Variants in DNAH11 observed in about 807,000 individuals in gnomAD.
DNAH11 encodes dynein axonemal heavy chain 11.
Under a neutral mutation model 526.0 loss-of-function variants are expected in DNAH11, and 442 were observed. That is an observed-to-expected ratio of 0.84 (90% confidence interval 0.78 to 0.91). The LOEUF (loss-of-function observed/expected upper bound fraction) is 0.91, where lower values mean the gene tolerates loss of function less well. DNAH11 is among the 40% of genes least tolerant of loss of function. The pLI is 0.00. For missense variants in DNAH11, 6,989 were observed against 5,448.7 expected, an observed-to-expected ratio of 1.28 and a Z score of -8.90; for synonymous variants, 2,461 against 1,935.9, an observed-to-expected ratio of 1.27 and a Z score of -7.12.
At chr7:21,744,729 C>T in intron 50 of DNAH11, 130 bp downstream of exon 50, 4 of 1,427,986 alleles carry the variant, frequency 2.8e-6, no homozygotes, top group South Asian at 1.3e-5. Context: ...ATCCAGAATA[C>T]ACTTGGTCTA....
At chr7:21,794,524 C>T (rs1788621355) in intron 61 of DNAH11, among the ~76,000 whole-genome samples, 1 of 152,078 alleles carries the variant, frequency 6.6e-6, no homozygotes, top group African/African-American at 2.4e-5. Flanking sequence ...AAGTACTGAC[C>T]ATCCTGAATT....
intron 56 of DNAH11, among the ~76,000 whole-genome samples, chr7:21,776,620 C>G (rs1787681484): frequency 6.6e-6 from 1 of 152,206 alleles, no homozygotes; most frequent in African/African-American, 2.4e-5. Flanking sequence ...AGTGACCTTT[C>G]TTCATAGAGA....
intron 62 of DNAH11, 29 bp downstream of exon 62, chr7:21,801,304 C>A: frequency 6.2e-7 from 1 of 1,612,230 alleles, no homozygotes; most frequent in Non-Finnish European, 8.5e-7. Context: ...AACATTCTAA[C>A]TAAAATGTTC....
chr7:21,784,463 A>G lies in DNAH11; in HGVS notation c.9520A>G (p.Arg3174Gly). Residue 3174 changes from arginine (R) to glycine (G), a missense_variant, in exon 58 of 82, where the codon AGA becomes GGA. Arg to Gly is a moderately radical substitution (Grantham distance 125). Coordinates refer to ENST00000409508, the MANE Select transcript of DNAH11 (RefSeq NM_001277115.2). ...AIQTEVFQKQRECEADLLKAE... is the reference protein window; with the variant it reads ...AIQTEVFQKQGECEADLLKAE... ...TCAGACTGAAGTGTTCCAGAAACAG[A>G]GAGAATGTGAAGCTGACTTACTCAA... 1 of 1,613,516 alleles carries G rather than the reference A, an allele frequency of 6.2e-7. No homozygotes were observed. The highest frequency in any genetic ancestry group is 8.5e-7 in the Non-Finnish European group (1 of 1,179,688).
intron 66 of DNAH11, among the ~76,000 whole-genome samples, chr7:21,847,643 G>A (rs940185855): frequency 1.3e-5 from 2 of 152,170 alleles, no homozygotes; most frequent in Admixed American, 6.5e-5. Flanking sequence ...ATATTCTTCT[G>A]TAAGTGGATG....
At chr7:21,682,810 T>A (rs1447380068) in intron 31 of DNAH11, among the ~76,000 whole-genome samples, 1 of 152,182 alleles carries the variant, frequency 6.6e-6, no homozygotes, top group Admixed American at 6.5e-5. Flanking sequence ...TTTCATAAAG[T>A]GCAAGAAAAT....
chr7:21,857,000 G>T (rs561130633), intron 68 of DNAH11, among the ~76,000 whole-genome samples: 2 of 152,200 alleles, frequency 1.3e-5, no homozygotes, highest in East Asian at 3.9e-4. Context: ...GACAATAGAA[G>T]GCAAGAGATT....
chr7:21,723,400 T>C (rs539805050), intron 44 of DNAH11, among the ~76,000 whole-genome samples: 1 of 152,328 alleles, frequency 6.6e-6, no homozygotes, highest in Admixed American at 6.5e-5. Context: ...ACCTATGTTC[T>C]TCAGCCATTG....
intron 42 of DNAH11, among the ~76,000 whole-genome samples, chr7:21,715,540 C>T (rs907911140): frequency 1.3e-5 from 2 of 152,060 alleles, no homozygotes; most frequent in Non-Finnish European, 2.9e-5. Context: ...TTTTAGTATG[C>T]CATTTTCAAT....
At chr7:21,606,037 C>A (rs1417308307) in intron 18 of DNAH11, among the ~76,000 whole-genome samples, 5 of 152,126 alleles carry the variant, frequency 3.3e-5, no homozygotes. Context: ...AAATTAGAAT[C>A]ATTTACATGG....
rs767520808 is a variant in DNAH11, at chr7:21,681,646, G to A, written c.5429G>A (p.Arg1810Lys). 6.2e-7 allele frequency: 1 copy of A among 1,613,942 alleles called. No homozygotes were observed. The highest frequency in any genetic ancestry group is 2.2e-5 in the East Asian group (1 of 44,872). ...MTICTIDVHA[R>K]DVVAKLISQK... ...ATTTGTACCATAGATGTCCATGCCA[G>A]AGACGTGGTGGCAAAACTTATTTCT... Residue 1810 changes from arginine (R) to lysine (K), a missense_variant, in exon 31 of 82, where the codon AGA (arginine) becomes AAA (lysine). By Grantham distance (26) the Arg-to-Lys change is conservative. Coordinates refer to ENST00000409508, the MANE Select transcript of DNAH11 (RefSeq NM_001277115.2).
intron 68 of DNAH11, among the ~76,000 whole-genome samples, chr7:21,856,956 AG>A (rs1329882838): frequency 6.6e-6 from 1 of 152,224 alleles, no homozygotes; most frequent in Non-Finnish European, 1.5e-5. Flanking sequence ...ACATCTATTC[AG>A]CGCTGCACTG....
chr7:21,559,816 A>T, intron 4 of DNAH11, 24 bp downstream of exon 4: 2 of 1,553,354 alleles, frequency 1.3e-6, no homozygotes, highest in Non-Finnish European at 1.7e-6. Flanking sequence ...CCTAGAAATT[A>T]TAAATTAAAT....
rs998146886 is a variant in DNAH11 at position 21,616,262 on chromosome 7, G to C, written c.4065G>C (p.Gln1355His). 1.2e-6 allele frequency: 2 copies of C among 1,613,372 alleles called. No homozygotes were observed. Among genetic ancestry groups the C allele is most frequent in the African/African-American group, 2.7e-5 (2 of 74,886 alleles). ...KTQWRQIHVE[Q>H]MDVELRRFAK... ...AGTGGAGACAGATTCATGTGGAACA[G>C]ATGGATGTAGAACTCAGAAGGTTTG... The change falls in exon 22 of 82, where the codon CAG (glutamine) becomes CAC (histidine). Residue 1355 changes from glutamine to histidine, a missense_variant. Gln to His is a conservative substitution (Grantham distance 24, BLOSUM62 0). Transcript: ENST00000409508.
chr7:21,663,037 T>C (rs560455208), intron 30 of DNAH11, among the ~76,000 whole-genome samples: 11 of 152,106 alleles, frequency 7.2e-5, no homozygotes, highest in Non-Finnish European at 1.3e-4. Flanking sequence ...TATCCATGTG[T>C]ACACATTGTT....
chr7:21,778,070 C>T (rs1418674070), intron 56 of DNAH11, among the ~76,000 whole-genome samples: 1 of 152,140 alleles, frequency 6.6e-6, no homozygotes, highest in African/African-American at 2.4e-5. Flanking sequence ...TCAGATATTT[C>T]TGAGAACTGA....
rs145374977 is a variant in DNAH11 at position 21,900,800 on chromosome 7, C to T, written c.13304-207C>T. The T allele has an allele frequency of 1.0e-3, 630 of 626,066 alleles. 2 individuals carry two copies. The highest frequency in any genetic ancestry group is 8.6e-3 in the African/African-American group (462 of 53,922). The allele number at this position is 626,066 out of a possible 1,614,324, so 38.8% of individuals were successfully genotyped here. A position where few individuals can be genotyped will look rare whatever the true frequency, so the allele number is the denominator to read the frequency against. ...CTTCCACAGGAAAGTTTAACCACTA[C>T]GCATGGAAGCAAAGCGGTGCCTCCG... is the stretch of plus-strand genomic sequence containing the variant. On this transcript the variant is annotated intron_variant, in intron 81 of 81. Transcript: ENST00000409508.
intron 8 of DNAH11, among the ~76,000 whole-genome samples, chr7:21,574,304 C>T (rs1312295066): frequency 6.6e-6 from 1 of 152,298 alleles, no homozygotes; most frequent in South Asian, 2.1e-4. Flanking sequence ...CTTGGCTCCA[C>T]TTAGTCTCTG....
At chr7:21,741,830 G>C (rs1310509783) in intron 48 of DNAH11, 97 bp from the exon 49 acceptor site, 9 of 1,365,244 alleles carry the variant, frequency 6.6e-6, no homozygotes, top group Non-Finnish European at 8.9e-6. Flanking sequence ...ACATGGTAAT[G>C]GGCCTGGATA....
Sources: allele counts gnomAD v4.1 joint callset (sites outside exome capture counted in the v4.1 genomes callset), GRCh38; gene constraint gnomAD v4.1.1; transcripts MANE v1.5; gene names NCBI Gene and HGNC (gene_info 2026-07-23, HGNC 2026-07-21).